The following PTTG1IP2 variants were observed in gnomAD, a reference collection of about 807,000 sequenced individuals.
PTTG1IP2 encodes PTTG1IP family member 2.
chr7:90,497,350 G>A (rs1798004159), intron 6 of PTTG1IP2, among the ~76,000 whole-genome samples: 1 of 152,074 alleles, frequency 6.6e-6, no homozygotes, highest in Non-Finnish European at 1.5e-5. Flanking sequence ...GGATCACGAG[G>A]TCAGGAGATC....
chr7:90,502,965 T>C (rs1436346065), intron 6 of PTTG1IP2, among the ~76,000 whole-genome samples: 1 of 152,226 alleles, frequency 6.6e-6, no homozygotes, highest in African/African-American at 2.4e-5. Flanking sequence ...TTTTCCTTTC[T>C]GGCCATGATA....
At chr7:90,480,515 C>A (rs1584692263) in intron 2 of PTTG1IP2, among the ~76,000 whole-genome samples, 2 of 152,142 alleles carry the variant, frequency 1.3e-5, no homozygotes, top group Non-Finnish European at 2.9e-5. Context: ...CTCTTCCCCT[C>A]TAAATGTATT....
At chr7:90,511,615 A>G (rs768171890) in intron 6 of PTTG1IP2, among the ~76,000 whole-genome samples, 8 of 152,150 alleles carry the variant, frequency 5.3e-5, no homozygotes, top group East Asian at 1.9e-4. Flanking sequence ...TTCCACTGCC[A>G]TCTCCAAACA....
At chr7:90,470,838 A>G (rs142577268) in intron 1 of PTTG1IP2, among the ~76,000 whole-genome samples, 84 of 152,164 alleles carry the variant, frequency 5.5e-4, no homozygotes, top group Non-Finnish European at 9.0e-4. Context: ...CCTTCTCCCA[A>G]CAAACAGCAC....
chr7:90,499,982 G>A (rs1584699133), intron 6 of PTTG1IP2, among the ~76,000 whole-genome samples: 1 of 151,842 alleles, frequency 6.6e-6, no homozygotes, highest in African/African-American at 2.4e-5. Context: ...GGAAGGCCAA[G>A]GGGGGCAGAT....
At chr7:90,507,595 A>G (rs1192134451) in intron 6 of PTTG1IP2, among the ~76,000 whole-genome samples, 1 of 152,218 alleles carries the variant, frequency 6.6e-6, no homozygotes, top group East Asian at 1.9e-4. Context: ...AGATAGGGCC[A>G]TGAAGTAGAA....
intron 6 of PTTG1IP2, among the ~76,000 whole-genome samples, chr7:90,496,417 C>G (rs942680611): frequency 1.3e-5 from 2 of 151,928 alleles, no homozygotes; most frequent in Admixed American, 6.6e-5. Flanking sequence ...CTAGGCTATC[C>G]CATTTGTTGG....
chr7:90,492,217 C>T (rs907103771), intron 4 of PTTG1IP2, 22 bp from the exon 5 acceptor site: 2 of 152,110 alleles, frequency 1.3e-5, no homozygotes, highest in Non-Finnish European at 2.9e-5. Context: ...GAAAATAAGC[C>T]TAATTCTAAA....
chr7:90,495,961 TG>T (rs1465182527), intron 6 of PTTG1IP2, among the ~76,000 whole-genome samples: 1 of 152,158 alleles, frequency 6.6e-6, no homozygotes, highest in African/African-American at 2.4e-5. Context: ...AATTTGGGGT[TG>T]GGGGGGAGTA....
intron 2 of PTTG1IP2, among the ~76,000 whole-genome samples, chr7:90,480,344 C>CA (rs1373089245): frequency 6.6e-6 from 1 of 152,178 alleles, no homozygotes; most frequent in Non-Finnish European, 1.5e-5. Context: ...TCCTTCTCTT[C>CA]TATGAATTCT....
intron 6 of PTTG1IP2, among the ~76,000 whole-genome samples, chr7:90,508,947 A>C (rs1385730131): frequency 6.6e-6 from 1 of 152,160 alleles, no homozygotes; most frequent in Admixed American, 6.6e-5. Flanking sequence ...CGCACAGGTG[A>C]GGTGAGCAAT....
chr7:90,499,862 C>T lies in PTTG1IP2; in HGVS notation c.*50+5432C>T, dbSNP rs201669336. On this transcript the variant is annotated intron_variant, in intron 6 of 6. Coordinates refer to ENST00000509356, the MANE Select transcript of PTTG1IP2 (RefSeq NM_001365443.2). The stretch of plus-strand genomic sequence containing the variant: ...CCTCCCAAAATGCTGGGATTATAGG[C>T]ATGAGCCACTGCACCTGGCCAGTGT... Among the ~76,000 whole-genome samples, 24 of 152,170 alleles carry T rather than the reference C, an allele frequency of 1.6e-4. No individual in the cohort carries two copies. The East Asian group carries it at 4.5e-3, about 28-fold the overall frequency.
intron 1 of PTTG1IP2, among the ~76,000 whole-genome samples, chr7:90,471,818 C>T (rs1222444498): frequency 6.6e-6 from 1 of 151,940 alleles, no homozygotes; most frequent in African/African-American, 2.4e-5. Flanking sequence ...GGAATGAGGA[C>T]CTGAAGAGAG....
At chr7:90,472,976 T>C (rs920499292) in intron 1 of PTTG1IP2, among the ~76,000 whole-genome samples, 9 of 152,110 alleles carry the variant, frequency 5.9e-5, no homozygotes, top group Non-Finnish European at 1.5e-5. Flanking sequence ...TGAGATAATA[T>C]AAATCTCAGA....
At chr7:90,499,935 C>T (rs998086217) in intron 6 of PTTG1IP2, among the ~76,000 whole-genome samples, 7 of 151,610 alleles carry the variant, frequency 4.6e-5, no homozygotes, top group Admixed American at 2.0e-4. Flanking sequence ...TAGTCCTCAC[C>T]GGGTGCAGTG....
At chr7:90,475,924 A>G (rs1401059795) in intron 1 of PTTG1IP2, among the ~76,000 whole-genome samples, 2 of 150,088 alleles carry the variant, frequency 1.3e-5, no homozygotes, top group Non-Finnish European at 3.0e-5. Context: ...TTGGTGACAG[A>G]ATGAGACTCT....
intron 6 of PTTG1IP2, among the ~76,000 whole-genome samples, chr7:90,501,311 C>A (rs935241113): frequency 6.6e-6 from 1 of 152,100 alleles, no homozygotes; most frequent in Non-Finnish European, 1.5e-5. Flanking sequence ...ATTATGTTTA[C>A]GCTATACTGT....
chr7:90,471,913 C>T (rs1034370124), intron 1 of PTTG1IP2, among the ~76,000 whole-genome samples: 1 of 152,138 alleles, frequency 6.6e-6, no homozygotes, highest in Non-Finnish European at 1.5e-5. Context: ...GATACCCCTT[C>T]ATGGAAATGG....
At chr7:90,491,455 T>G (rs944864667) in intron 4 of PTTG1IP2, among the ~76,000 whole-genome samples, 3 of 151,896 alleles carry the variant, frequency 2.0e-5, no homozygotes, top group African/African-American at 7.3e-5. Context: ...AAACCCCATC[T>G]CTACTAAAAA....
Sources: allele counts gnomAD v4.1 joint callset (sites outside exome capture counted in the v4.1 genomes callset), GRCh38; gene constraint gnomAD v4.1.1; transcripts MANE v1.5; gene names NCBI Gene and HGNC (gene_info 2026-07-23, HGNC 2026-07-21).